Variants in PCDH1 observed in about 807,000 individuals in gnomAD.
PCDH1 encodes the protein protocadherin 1.
A neutral mutation model predicts 74.6 loss-of-function variants in PCDH1; 23 were observed. That is an observed-to-expected ratio of 0.31 (90% CI 0.22 to 0.44). The LOEUF is 0.44. PCDH1 is among the 20% of genes least tolerant of loss of function. The pLI, the probability that PCDH1 is intolerant of heterozygous loss-of-function variation, is 1.00. For synonymous variants in PCDH1, 647 were observed against 686.1 expected (o/e 0.94, Z 0.89); for missense variants, 1,214 against 1,641.4 (o/e 0.74, Z 4.50).
At chr5:141,862,648 A>G in intron 3 of PCDH1, 1 of 986,114 alleles carries the variant, frequency 1.0e-6, no homozygotes, top group Non-Finnish European at 1.2e-6. Flanking sequence ...TAAGAAACCA[A>G]AACTCCAAAA....
chr5:141,862,831 C>T (rs1198595975), intron 3 of PCDH1: 1 of 1,077,780 alleles, frequency 9.3e-7, no homozygotes, highest in African/African-American at 1.7e-5. Flanking sequence ...TGTTTCCCTC[C>T]TAGAGAAGCA....
intron 3 of PCDH1, among the ~76,000 whole-genome samples, chr5:141,860,880 C>T (rs1561478210): frequency 6.6e-6 from 1 of 152,150 alleles, no homozygotes. Context: ...CTTTGGGAGG[C>T]CACGGCGGGC....
rs1395148991 is a variant in PCDH1 at position 141,854,070 on chromosome 5, TGGG to T, written c.3683_3685del (p.Ala1228_Gln1229delinsGlu). On this transcript the variant is annotated inframe_deletion, in exon 5 of 5. Transcript: ENST00000287008. ...CAGGTAGATCTCGCGCTTGGCCGTC[TGGG>T]CAGATGCCGGTGTGGCTGCGGGTGG... is the stretch of plus-strand genomic sequence containing the variant. 1 of 1,528,280 alleles carries T rather than the reference TGGG, an allele frequency of 6.5e-7. No individual in the cohort carries two copies. Among genetic ancestry groups the T allele is most frequent in the Non-Finnish European group, 8.8e-7 (1 of 1,136,278 alleles). The allele number at this position is 1,528,280 out of a possible 1,614,324, so 94.7% of individuals were successfully genotyped here.
chr5:141,869,856 G>C lies in PCDH1; in HGVS notation c.41-425C>G. 1 of 961,144 alleles carries C rather than the reference G, an allele frequency of 1.0e-6. No homozygotes were observed. Among genetic ancestry groups the C allele is most frequent in the Non-Finnish European group, 1.2e-6 (1 of 807,754 alleles). The allele number at this position is 961,144 out of a possible 1,614,324, so 59.5% of individuals were successfully genotyped here. ...TTACCTTGATACTGAGATAGGGAGA[G>C]AGAGCCAGTGGAAGGGTGAGACCTC... On this transcript the variant is annotated intron_variant, in intron 1 of 4. Transcript: ENST00000287008. The surrounding 1 kb of genome is among the most constrained non-coding windows in gnomAD (Gnocchi z 4.9).
At chr5:141,860,026 G>A (rs72794084) in intron 3 of PCDH1, among the ~76,000 whole-genome samples, 22,072 of 151,824 alleles carry the variant, frequency 0.15, 1,946 homozygotes, top group East Asian at 0.22. Flanking sequence ...CACTTCTGCC[G>A]CAGGAGTTTG....
intron 3 of PCDH1, among the ~76,000 whole-genome samples, chr5:141,860,577 G>A (rs546180750): frequency 1.4e-4 from 21 of 151,546 alleles, no homozygotes. Context: ...CCTTTAATAG[G>A]CTAATGTGAT....
Position 141,854,307 on chromosome 5 carries a change from A to C in PCDH1, c.3449T>G (p.Leu1150Arg). The C allele has an allele frequency of 1.2e-6, 2 of 1,613,296 alleles. No individual in the cohort carries two copies. The highest frequency in any genetic ancestry group is 1.7e-6 in the Non-Finnish European group (2 of 1,179,800). ...SPSRRTKSSA[L>R]KLSTFVPYQD... ...GTAAGGCACGAAGGTGGAGAGTTTG[A>C]GGGCGCTGCTCTTGGTCCGGCGGCT... is the stretch of plus-strand genomic sequence containing the variant. The change falls in exon 5 of 5, where the codon CTC becomes CGC. Residue 1150 changes from leucine to arginine, a missense_variant. By Grantham distance (102) the Leu-to-Arg change is moderately radical. Coordinates refer to ENST00000287008, the MANE Select transcript of PCDH1 (RefSeq NM_032420.5).
intron 3 of PCDH1, among the ~76,000 whole-genome samples, chr5:141,858,790 C>T (rs1710905768): frequency 6.6e-6 from 1 of 152,148 alleles, no homozygotes; most frequent in African/African-American, 2.4e-5. Flanking sequence ...TCCTTCCCAT[C>T]CTCCAAGACT....
In PCDH1 at chr5:141,869,612, T is replaced by G. The variant is rs1036260929; in HGVS notation, c.41-181A>C. 3.8e-5 allele frequency: 58 copies of G among 1,534,580 alleles called. No homozygotes were observed. Among genetic ancestry groups the G allele is most frequent in the Non-Finnish European group, 5.0e-5 (57 of 1,146,702 alleles). On this transcript the variant is annotated intron_variant, in intron 1 of 4. Coordinates refer to ENST00000287008, the MANE Select transcript of PCDH1 (RefSeq NM_032420.5). This position sits in a 1 kb window ranked among gnomAD's most constrained non-coding sequence, Gnocchi z 4.9. ...CAGATCCCTGAATCTCATCCACAGC[T>G]GGGTGTAGCAGCAGTGTCTGCCCCA...
At position 141,873,418 on chromosome 5, in the gene PCDH1, G is replaced by A. The variant is rs1188712184; in HGVS notation, c.41-3987C>T. ...CTCCCAAAGTGCTAGGATTACAGGCGTGAGCCACCGCGCCTGGCCCGGTCC... is the reference window on the plus strand; with the variant it reads ...CTCCCAAAGTGCTAGGATTACAGGCATGAGCCACCGCGCCTGGCCCGGTCC... On this transcript the variant is annotated intron_variant, in intron 1 of 4. Coordinates refer to ENST00000287008, the MANE Select transcript of PCDH1 (RefSeq NM_032420.5). 3.3e-5 allele frequency among the ~76,000 whole-genome samples: 5 copies of A among 149,980 alleles called. No individual in the cohort carries two copies. In the South Asian group the frequency reaches 8.4e-4, roughly 25 times the overall value.
At chr5:141,872,224 C>A (rs1194675311) in intron 1 of PCDH1, among the ~76,000 whole-genome samples, 1 of 149,296 alleles carries the variant, frequency 6.7e-6, no homozygotes, top group Non-Finnish European at 1.5e-5. Flanking sequence ...ACCAGAGAAC[C>A]TCATTTTCTT....
intron 1 of PCDH1, among the ~76,000 whole-genome samples, chr5:141,877,142 C>CGA (rs566574009): frequency 6.6e-6 from 1 of 152,174 alleles, no homozygotes; most frequent in East Asian, 1.9e-4. Context: ...ATCTGGACTC[C>CGA]GAGAGAGAGG....
At position 141,863,774 on chromosome 5, in the gene PCDH1, T is replaced by C; in HGVS notation, c.2557A>G (p.Ile853Val). The C allele has an allele frequency of 6.2e-7, 1 of 1,614,132 alleles. No homozygotes were observed. The highest frequency in any genetic ancestry group is 8.5e-7 in the Non-Finnish European group (1 of 1,180,006). ...ACACCAGCCACCACACCAAAGAGAATGTTGCCACGCTGCTTGGAGCGCTCA... is the reference window on the plus strand; with the variant it reads ...ACACCAGCCACCACACCAAAGAGAACGTTGCCACGCTGCTTGGAGCGCTCA... ...EYERSKQRGN[I>V]LFGVVAGVVA... is the part of the protein sequence containing the mutation. The change falls in exon 3 of 5, where the codon ATT becomes GTT. Residue 853 changes from isoleucine (I) to valine (V), a missense_variant. Coordinates refer to ENST00000287008, the MANE Select transcript of PCDH1 (RefSeq NM_032420.5). The surrounding 1 kb of genome is among the most constrained non-coding windows in gnomAD (Gnocchi z 7.5).
intron 3 of PCDH1, chr5:141,862,809 C>T (rs1004466767): frequency 2.9e-6 from 3 of 1,052,628 alleles, no homozygotes; most frequent in South Asian, 9.1e-5. Context: ...TCCACAGGAC[C>T]CCAGGTCTCC....
chr5:141,862,012 A>C (rs1752587157), intron 3 of PCDH1, among the ~76,000 whole-genome samples: 2 of 151,664 alleles, frequency 1.3e-5, no homozygotes, highest in African/African-American at 2.4e-5. Flanking sequence ...GGGCAGGTCA[A>C]TGCAAAGAAC....
rs751582329 is a variant in PCDH1, at chr5:141,854,058, C to T, written c.3698G>A (p.Arg1233His). ...GTAGGGGGCTCACAGGTAGATCTCGCGCTTGGCCGTCTGGGCAGATGCCGG... is the reference window on the plus strand; with the variant it reads ...GTAGGGGGCTCACAGGTAGATCTCGTGCTTGGCCGTCTGGGCAGATGCCGG... ...ATPASAQTAK[R>H]EIYL The change falls in exon 5 of 5, where the codon CGC (arginine) becomes CAC (histidine). Residue 1233 changes from arginine to histidine, a missense_variant. Around this residue, in one of 4 missense-constraint regions of PCDH1, gnomAD observed 194 missense variants for 198.3 expected, o/e 0.98. Coordinates refer to ENST00000287008, the MANE Select transcript of PCDH1 (RefSeq NM_032420.5). 6 of 1,501,576 alleles carry T rather than the reference C, an allele frequency of 4.0e-6. No homozygotes were observed. Among genetic ancestry groups the T allele is most frequent in the African/African-American group, 1.4e-5 (1 of 70,840 alleles). The allele number at this position is 1,501,576 out of a possible 1,614,324, so 93.0% of individuals were successfully genotyped here. A position where few individuals can be genotyped will look rare whatever the true frequency, so the allele number is the denominator to read the frequency against.
intron 3 of PCDH1, among the ~76,000 whole-genome samples, chr5:141,857,710 A>G (rs1217073459): frequency 6.6e-6 from 1 of 152,144 alleles, no homozygotes; most frequent in Non-Finnish European, 1.5e-5. Context: ...GTCCCAATAC[A>G]GCGCAGGCCC....
chr5:141,861,479 T>C (rs913528032), intron 3 of PCDH1, among the ~76,000 whole-genome samples: 1 of 151,906 alleles, frequency 6.6e-6, no homozygotes. Context: ...ATGAAGACGC[T>C]AAAGGAATAG....
chr5:141,860,832 A>T (rs1431286419), intron 3 of PCDH1, among the ~76,000 whole-genome samples: 1 of 152,076 alleles, frequency 6.6e-6, no homozygotes, highest in Non-Finnish European at 1.5e-5. Context: ...AATGGAAGTG[A>T]GTGCCGGGCA....
Sources: allele counts gnomAD v4.1 joint callset (sites outside exome capture counted in the v4.1 genomes callset), GRCh38; gene constraint gnomAD v4.1.1; regional missense constraint gnomAD v4.1.1; non-coding constraint Gnocchi (gnomAD v3.1); transcripts MANE v1.5; gene names NCBI Gene and HGNC (gene_info 2026-07-23, HGNC 2026-07-21).